Variants in STON1 observed in about 807,000 individuals in gnomAD.
The protein encoded by STON1 is stonin 1.
A neutral mutation model predicts 60.9 loss-of-function variants in STON1; 79 were observed. That is an observed-to-expected ratio of 1.30 (90% CI 1.08 to 1.56). The LOEUF (loss-of-function observed/expected upper bound fraction) is 1.56. Among genes scored for constraint, STON1 ranks in the 40% most tolerant of loss-of-function variants. STON1 has a pLI of 0.00. For missense variants in STON1, 1,166 were observed against 858.9 expected (o/e 1.36, Z -4.47); for synonymous variants, 363 against 306.9 (o/e 1.18, Z -1.91).
chr2:48,581,215 C>T lies in STON1; in HGVS notation c.582C>T (p.Ser194=). The change falls in exon 2 of 4, where the codon TCC becomes TCT. Residue 194 remains serine, a synonymous_variant. Coordinates refer to ENST00000404752, the MANE Select transcript of STON1 (RefSeq NM_006873.4). ...SPFWKDEGSD[S]HFTLDPPGSK... ...TTTGGAAAGATGAAGGCAGTGATTC[C>T]CATTTCACCCTTGACCCACCAGGAA... The T allele has an allele frequency of 1.3e-6, 2 of 1,520,662 alleles. No homozygotes were observed. Among genetic ancestry groups the T allele is most frequent in the African/African-American group, 1.4e-5 (1 of 71,840 alleles). 94.2% of individuals were successfully genotyped at this position (1,520,662 alleles called of 1,614,324 possible). A position where few individuals can be genotyped will look rare whatever the true frequency, so the allele number is the denominator to read the frequency against.
At chr2:48,543,913 T>C (rs1266705685) in intron 1 of STON1, among the ~76,000 whole-genome samples, 1 of 152,200 alleles carries the variant, frequency 6.6e-6, no homozygotes, top group Non-Finnish European at 1.5e-5. Flanking sequence ...GGGACTAGGT[T>C]TTCCCAGGAG....
rs1241898892 is a variant in STON1 at position 48,564,405 on chromosome 2, GTCTTCTTCT to G, written c.-47-16114_-47-16106del. On this transcript the variant is annotated intron_variant, in intron 1 of 3. Coordinates refer to ENST00000404752, the MANE Select transcript of STON1 (RefSeq NM_006873.4). Reference sequence around the variant, plus strand: ...TAGGTCCTCCAGTGGCAGTGGCGGTGTCTTCTTCTTCTTCTTCTTCTTCTTCTTCTTCTT... The same window carrying G: ...TAGGTCCTCCAGTGGCAGTGGCGGTGTCTTCTTCTTCTTCTTCTTCTTCTT... Among the ~76,000 whole-genome samples the G allele has an allele frequency of 5.2e-3, 428 of 82,980 alleles. 7 individuals are homozygous for G. The highest frequency in any genetic ancestry group is 9.6e-3 in the South Asian group (19 of 1,988). 54.4% of individuals were successfully genotyped at this position (82,980 alleles called of 152,430 possible). A position where few individuals can be genotyped will look rare whatever the true frequency, so the allele number is the denominator to read the frequency against.
chr2:48,590,927 A>C (rs1427464428), intron 2 of STON1, among the ~76,000 whole-genome samples: 1 of 152,168 alleles, frequency 6.6e-6, no homozygotes, highest in Non-Finnish European at 1.5e-5. Context: ...CATTTTCTGA[A>C]AGTTAAGTTT....
intron 1 of STON1, among the ~76,000 whole-genome samples, chr2:48,549,161 C>T (rs911676482): frequency 6.6e-6 from 1 of 152,126 alleles, no homozygotes; most frequent in African/African-American, 2.4e-5. Context: ...GGAAACAATC[C>T]CAGGCCTCCA....
chr2:48,549,884 G>A (rs528352538), intron 1 of STON1, among the ~76,000 whole-genome samples: 14 of 151,968 alleles, frequency 9.2e-5, no homozygotes, highest in African/African-American at 3.4e-4. Context: ...GAACCTGGCT[G>A]GGGGTGGGTG....
chr2:48,568,018 A>C (rs1424963613), intron 1 of STON1, among the ~76,000 whole-genome samples: 1 of 143,674 alleles, frequency 7.0e-6, no homozygotes, highest in East Asian at 3.2e-4. Context: ...TCTGTAGATT[A>C]TGCAGCATTG....
intron 1 of STON1, among the ~76,000 whole-genome samples, chr2:48,539,495 T>C (rs1671570945): frequency 6.6e-6 from 1 of 152,034 alleles, no homozygotes; most frequent in South Asian, 2.1e-4. Flanking sequence ...TGTGGTGTTA[T>C]GATATATGTT....
Position 48,597,827 on chromosome 2 carries a change from A to G in STON1, c.*2525A>G, listed in dbSNP as rs1674846035. ...TTCTTCTGACCTCAGAACTGGCAGAAGGTCAGATGTGACTACAGAACTCTA... is the reference window on the plus strand; with the variant it reads ...TTCTTCTGACCTCAGAACTGGCAGAGGGTCAGATGTGACTACAGAACTCTA... On this transcript the variant is annotated 3_prime_UTR_variant, in exon 4 of 4. Transcript: ENST00000404752. The G allele has an allele frequency of 6.6e-6, 1 of 152,336 alleles. No homozygotes were observed. The highest frequency in any genetic ancestry group is 2.4e-5 in the African/African-American group (1 of 41,448). 9.4% of individuals were successfully genotyped at this position (152,336 alleles called of 1,614,324 possible). A position where few individuals can be genotyped will look rare whatever the true frequency, so the allele number is the denominator to read the frequency against.
chr2:48,577,277 T>C (rs1279190624), intron 1 of STON1, among the ~76,000 whole-genome samples: 1 of 151,768 alleles, frequency 6.6e-6, no homozygotes, highest in Non-Finnish European at 1.5e-5. Context: ...CCTCTGCATT[T>C]TTTTCTCAGA....
intron 3 of STON1, among the ~76,000 whole-genome samples, chr2:48,594,832 G>GTGCA (rs895478440): frequency 6.6e-6 from 1 of 152,076 alleles, no homozygotes; most frequent in African/African-American, 2.4e-5. Flanking sequence ...ATAATTTTGG[G>GTGCA]TGCATTATAA....
rs1558604515 is a variant in STON1 at position 48,564,469 on chromosome 2, T to TC, written c.-47-16117dup. Among the ~76,000 whole-genome samples the TC allele has an allele frequency of 4.7e-4, 26 of 55,468 alleles. 1 individual carries two copies. The highest frequency in any genetic ancestry group is 1.5e-3 in the African/African-American group (21 of 14,028). The allele number at this position is 55,468 out of a possible 152,430, so 36.4% of individuals were successfully genotyped here. On this transcript the variant is annotated intron_variant, in intron 1 of 3. Coordinates refer to ENST00000404752, the MANE Select transcript of STON1 (RefSeq NM_006873.4). Reference sequence around the variant, plus strand: ...TTCTTCTTCTTCTTCTTCTTCTTCTTCTTCTTCTTCTTTCTTCTTCTTCTT... The same window carrying TC: ...TTCTTCTTCTTCTTCTTCTTCTTCTTCCTTCTTCTTCTTTCTTCTTCTTCTT...
intron 1 of STON1, among the ~76,000 whole-genome samples, chr2:48,554,613 T>C (rs1489919396): frequency 6.6e-6 from 1 of 152,166 alleles, no homozygotes; most frequent in East Asian, 1.9e-4. Context: ...TAGAGATCTG[T>C]AAATTTACAT....
intron 2 of STON1, among the ~76,000 whole-genome samples, chr2:48,588,538 A>G (rs1674337916): frequency 6.6e-6 from 1 of 152,028 alleles, no homozygotes; most frequent in Admixed American, 6.5e-5. Flanking sequence ...TTTGGTAGAG[A>G]TGAGGTTTTG....
At chr2:48,566,436 C>T (rs535742076) in intron 1 of STON1, among the ~76,000 whole-genome samples, 1 of 151,128 alleles carries the variant, frequency 6.6e-6, no homozygotes, top group Non-Finnish European at 1.5e-5. Context: ...TCAGTCTCCA[C>T]CATGCCCGGC....
chr2:48,581,131 A>G lies in STON1; in HGVS notation c.498A>G (p.Gln166=), dbSNP rs1210823979. 5.7e-6 allele frequency: 9 copies of G among 1,586,498 alleles called. No individual in the cohort carries two copies. Among genetic ancestry groups the G allele is most frequent in the Non-Finnish European group, 7.7e-6 (9 of 1,170,950 alleles). The change falls in exon 2 of 4, where the codon CAA becomes CAG. Residue 166 remains glutamine, a synonymous_variant. Transcript: ENST00000404752. ...NPQQAESLGF[Q]SDDLPQFQYF... ...AACAGGCTGAAAGCCTAGGATTCCA[A>G]AGTGATGATCTCCCCCAGTTTCAGT...
At chr2:48,588,970 G>C (rs1325481262) in intron 2 of STON1, among the ~76,000 whole-genome samples, 1 of 152,172 alleles carries the variant, frequency 6.6e-6, no homozygotes, top group South Asian at 2.1e-4. Flanking sequence ...GTGATAGAGA[G>C]AGAAAGAGAA....
intron 1 of STON1, among the ~76,000 whole-genome samples, chr2:48,576,594 A>T (rs1039635593): frequency 4.0e-5 from 6 of 150,322 alleles, no homozygotes; most frequent in Admixed American, 1.3e-4. Flanking sequence ...TGTCCTGATG[A>T]TTAGTGATGT....
At chr2:48,555,314 G>A (rs1384156413) in intron 1 of STON1, among the ~76,000 whole-genome samples, 6 of 39,818 alleles carry the variant, frequency 1.5e-4, no homozygotes, top group Admixed American at 2.2e-4. Flanking sequence ...TGGCCGGGCG[G>A]GGGGGGCTGA....
At position 48,564,486 on chromosome 2, in the gene STON1, C is replaced by CT. The variant is rs1558604880; in HGVS notation, c.-47-16099dup. 2.7e-3 allele frequency among the ~76,000 whole-genome samples: 66 copies of CT among 24,650 alleles called. 8 individuals are homozygous for CT. The highest frequency in any genetic ancestry group is 3.6e-3 in the African/African-American group (22 of 6,180). The allele number at this position is 24,650 out of a possible 152,430, so 16.2% of individuals were successfully genotyped here. ...CTTCTTCTTCTTCTTCTTCTTTCTT[C>CT]TTCTTCTTCTTCTTCTTCTTCTTCT... is the stretch of plus-strand genomic sequence containing the variant. On this transcript the variant is annotated intron_variant, in intron 1 of 3. Coordinates refer to ENST00000404752, the MANE Select transcript of STON1 (RefSeq NM_006873.4).
Sources: gnomAD v4.1 joint callset for allele counts (sites outside exome capture counted in the v4.1 genomes callset) on GRCh38, gnomAD v4.1.1 for gene constraint, MANE v1.5 for transcripts, NCBI Gene and HGNC (gene_info 2026-07-23, HGNC 2026-07-21) for gene names.